Variants in HNRNPLL observed in about 807,000 individuals in gnomAD.
HNRNPLL encodes heterogeneous nuclear ribonucleoprotein L-like.
A neutral mutation model predicts 67.1 loss-of-function variants in HNRNPLL; 25 were observed. The ratio of observed to expected loss-of-function variants is 0.37; its 90% CI spans 0.27 to 0.52. The LOEUF (loss-of-function observed/expected upper bound fraction) is 0.52, where lower values mean the gene tolerates loss of function less well. Ranked by LOEUF, HNRNPLL falls within the 20% of genes least tolerant of loss-of-function variation. The probability of loss-of-function intolerance (pLI) is 0.90; values close to 1 mark genes in which losing one functional copy is unlikely to be tolerated. For missense variants in HNRNPLL, 542 were observed against 673.9 expected (o/e 0.80, Z 2.17); for synonymous variants, 267 against 241.7 (o/e 1.10, Z -0.97).
At chr2:38,571,948 A>G (rs1666102224) in intron 8 of HNRNPLL, among the ~76,000 whole-genome samples, 1 of 152,180 alleles carries the variant, frequency 6.6e-6, no homozygotes, top group African/African-American at 2.4e-5. Context: ...TAGATCTACT[A>G]AAGATGTTGA....
intron 1 of HNRNPLL, among the ~76,000 whole-genome samples, chr2:38,596,866 C>G (rs532306793): frequency 1.3e-5 from 2 of 152,254 alleles, no homozygotes; most frequent in Admixed American, 1.3e-4. Context: ...CATACATGCA[C>G]TTTACAAACT....
At chr2:38,595,123 A>C (rs965368213) in intron 1 of HNRNPLL, among the ~76,000 whole-genome samples, 4 of 150,918 alleles carry the variant, frequency 2.7e-5, no homozygotes, top group African/African-American at 9.8e-5. Flanking sequence ...TAGCAAAAAA[A>C]CAAAACATTA....
At chr2:38,594,898 C>G (rs74333980) in intron 1 of HNRNPLL, among the ~76,000 whole-genome samples, 1 of 151,988 alleles carries the variant, frequency 6.6e-6, no homozygotes, top group Non-Finnish European at 1.5e-5. Flanking sequence ...GAACTGAGAT[C>G]ACATCATTGT....
chr2:38,588,261 G>A (rs988054702), intron 2 of HNRNPLL, among the ~76,000 whole-genome samples: 1 of 152,154 alleles, frequency 6.6e-6, no homozygotes, highest in Non-Finnish European at 1.5e-5. Flanking sequence ...AAAATAAGAA[G>A]TGAGCTGGCT....
intron 6 of HNRNPLL, among the ~76,000 whole-genome samples, chr2:38,578,967 C>A (rs960167129): frequency 6.6e-6 from 1 of 152,078 alleles, no homozygotes; most frequent in South Asian, 2.1e-4. Flanking sequence ...TCTCTCATCA[C>A]GCAAGTCTCA....
chr2:38,586,948 T>C (rs534673079), intron 2 of HNRNPLL, among the ~76,000 whole-genome samples: 1 of 152,146 alleles, frequency 6.6e-6, no homozygotes, highest in Admixed American at 6.5e-5. Flanking sequence ...AAATGAAGAA[T>C]AAGAAAGGAA....
In HNRNPLL at chr2:38,562,944, A is replaced by T. The variant is rs766983446; in HGVS notation, c.*1238T>A. 1 of 152,122 alleles carries T rather than the reference A, an allele frequency of 6.6e-6. No homozygotes were observed. Among genetic ancestry groups the T allele is most frequent in the Non-Finnish European group, 1.5e-5 (1 of 67,952 alleles). 9.4% of individuals were successfully genotyped at this position (152,122 alleles called of 1,614,324 possible). A position where few individuals can be genotyped will look rare whatever the true frequency, so the allele number is the denominator to read the frequency against. On this transcript the variant is annotated 3_prime_UTR_variant, in exon 13 of 13. Transcript: ENST00000449105. ...GAACTTTCATTTACAAATTTGTTTA[A>T]AAGTGTCAGGATTACAAAACTGATA...
rs1666004261 is a variant in HNRNPLL at position 38,569,905 on chromosome 2, A to G, written c.1113T>C (p.Ile371=). The change falls in exon 9 of 13, where the codon ATT becomes ATC. Residue 371 remains isoleucine, a synonymous_variant. Transcript: ENST00000449105. ...NIEKVKFMKT[I]PGTALVEMGD... ...CCATTTCTACCAGTGCTGTACCAGGAATGGTCTTCATAAATTTTACCTGTA... is the reference window on the plus strand; with the variant it reads ...CCATTTCTACCAGTGCTGTACCAGGGATGGTCTTCATAAATTTTACCTGTA... 6.3e-7 allele frequency: 1 copy of G among 1,592,168 alleles called. No homozygotes were observed. Among genetic ancestry groups the G allele is most frequent in the South Asian group, 1.1e-5 (1 of 87,738 alleles).
chr2:38,579,388 ACC>A (rs912604780), intron 6 of HNRNPLL, among the ~76,000 whole-genome samples: 20 of 152,134 alleles, frequency 1.3e-4, no homozygotes, highest in Non-Finnish European at 2.2e-4. Flanking sequence ...GTGCACATGT[ACC>A]CTAAAACTTA....
chr2:38,567,748 T>C (rs528340303), intron 12 of HNRNPLL, among the ~76,000 whole-genome samples: 1 of 152,218 alleles, frequency 6.6e-6, no homozygotes, highest in African/African-American at 2.4e-5. Flanking sequence ...AAAACATTGT[T>C]GATTTATCTC....
intron 6 of HNRNPLL, among the ~76,000 whole-genome samples, chr2:38,580,082 C>T (rs1429782021): frequency 1.3e-5 from 2 of 152,046 alleles, no homozygotes; most frequent in African/African-American, 2.4e-5. Flanking sequence ...GATGTAAACA[C>T]TATTAAAATA....
chr2:38,584,584 C>A (rs1159665797), intron 3 of HNRNPLL, among the ~76,000 whole-genome samples: 3 of 152,030 alleles, frequency 2.0e-5, no homozygotes, highest in Non-Finnish European at 4.4e-5. Flanking sequence ...AAATGTGACA[C>A]TGAAATGTTT....
chr2:38,569,444 GCATA>G, intron 9 of HNRNPLL, 110 bp from the exon 10 acceptor site: 2 of 701,922 alleles, frequency 2.8e-6, no homozygotes, highest in Admixed American at 2.5e-5. Context: ...CCAAAAAAAG[GCATA>G]CATAGAGCTA....
In HNRNPLL at chr2:38,564,090, A is replaced by G. The variant is rs1437469493; in HGVS notation, c.*92T>C. On this transcript the variant is annotated 3_prime_UTR_variant, in exon 13 of 13. Coordinates refer to ENST00000449105, the MANE Select transcript of HNRNPLL (RefSeq NM_138394.4). ...AGGATCTTAAAGTAAGCAAGGCAAC[A>G]TGAGATCAACCATTTTAGATTTTTT... 1.2e-6 allele frequency: 1 copy of G among 821,050 alleles called. No individual in the cohort carries two copies. Among genetic ancestry groups the G allele is most frequent in the Non-Finnish European group, 2.1e-6 (1 of 471,024 alleles). 50.9% of individuals were successfully genotyped at this position (821,050 alleles called of 1,614,324 possible). A position where few individuals can be genotyped will look rare whatever the true frequency, so the allele number is the denominator to read the frequency against.
chr2:38,596,983 G>A (rs1667220406), intron 1 of HNRNPLL, among the ~76,000 whole-genome samples: 1 of 152,088 alleles, frequency 6.6e-6, no homozygotes, highest in Non-Finnish European at 1.5e-5. Flanking sequence ...CAAATTCTCA[G>A]CCCTTCAAAG....
At chr2:38,567,970 C>T (rs990469698) in intron 12 of HNRNPLL, 1 of 388,910 alleles carries the variant, frequency 2.6e-6, no homozygotes, top group Non-Finnish European at 4.6e-6. Flanking sequence ...AATACTAACC[C>T]TCAGAAACAG....
chr2:38,569,669 CAAT>C lies in HNRNPLL; in HGVS notation c.1214+132_1214+134del, dbSNP rs1173594131. ...CGACCCTAACTCTTGTCTAAAATAA[CAAT>C]ATTACAGCTGTTGTTTCAGATGTGC... On this transcript the variant is annotated intron_variant, in intron 9 of 12. Coordinates refer to ENST00000449105, the MANE Select transcript of HNRNPLL (RefSeq NM_138394.4). The C allele has an allele frequency of 1.3e-5, 7 of 546,858 alleles. No homozygotes were observed. The South Asian group carries it at 1.8e-4, about 14-fold the overall frequency. The allele number at this position is 546,858 out of a possible 1,614,324, so 33.9% of individuals were successfully genotyped here. A position where few individuals can be genotyped will look rare whatever the true frequency, so the allele number is the denominator to read the frequency against.
At chr2:38,575,829 C>T (rs1040888838) in intron 7 of HNRNPLL, among the ~76,000 whole-genome samples, 31 of 151,676 alleles carry the variant, frequency 2.0e-4, no homozygotes, top group African/African-American at 7.5e-4. Flanking sequence ...AGCACACATC[C>T]CCCATCTTTG....
At chr2:38,599,473 A>C (rs1667334946) in intron 1 of HNRNPLL, among the ~76,000 whole-genome samples, 1 of 152,204 alleles carries the variant, frequency 6.6e-6, no homozygotes, top group African/African-American at 2.4e-5. Context: ...ACTACTCCAC[A>C]AGAAAAAAGT....
Sources: gnomAD v4.1 joint callset for allele counts (sites outside exome capture counted in the v4.1 genomes callset) on GRCh38, gnomAD v4.1.1 for gene constraint, MANE v1.5 for transcripts, NCBI Gene and HGNC (gene_info 2026-07-23, HGNC 2026-07-21) for gene names.